CCDC171: variants seen among roughly 807,000 people sequenced by gnomAD.
CCDC171 encodes coiled-coil domain-containing protein 171.
A neutral mutation model predicts 168.2 loss-of-function variants in CCDC171; 177 were observed. The ratio of observed to expected loss-of-function variants is 1.05; its 90% CI spans 0.93 to 1.19. The LOEUF (loss-of-function observed/expected upper bound fraction) is 1.19, where lower values mean the gene tolerates loss of function less well. CCDC171 is among the 50% of genes most tolerant of loss of function. CCDC171 has a pLI of 0.00. For synonymous variants in CCDC171, 687 were observed against 540.8 expected, an observed-to-expected ratio of 1.27 and a Z score of -3.75; for missense variants, 1,991 against 1,539.0, an observed-to-expected ratio of 1.29 and a Z score of -4.91.
chr9:16,090,183 A>G, the CCDC171 span, among the ~76,000 whole-genome samples: 77 of 152,348 alleles, frequency 5.1e-4, no homozygotes, highest in African/African-American at 1.9e-3. Context: ...ATGCCCATCA[A>G]TGATAGAATG....
At chr9:16,049,447 G>A (rs1371057649) in intron 1 of CCDC171, among the ~76,000 whole-genome samples, 1 of 152,178 alleles carries the variant, frequency 6.6e-6, no homozygotes, top group Non-Finnish European at 1.5e-5. Context: ...CTCAATGCTG[G>A]CAGGCACCAT....
intron 25 of CCDC171, among the ~76,000 whole-genome samples, chr9:15,922,473 A>G (rs2132023446): frequency 6.6e-6 from 1 of 151,804 alleles, no homozygotes; most frequent in South Asian, 2.1e-4. Flanking sequence ...AGGTATATCC[A>G]TTAGGAATAC....
chr9:15,556,197 C>T (rs550931864), intron 1 of CCDC171, among the ~76,000 whole-genome samples: 7 of 152,154 alleles, frequency 4.6e-5, no homozygotes, highest in Admixed American at 6.5e-5. Context: ...CCGAGAGGTC[C>T]GCTGTTAGTC....
At chr9:16,062,175 A>T (rs1349667263), downstream of CCDC171, among the ~76,000 whole-genome samples, 1 of 152,188 alleles carries the variant, frequency 6.6e-6, no homozygotes, top group African/African-American at 2.4e-5. Context: ...TGATAGGGAA[A>T]ACAAACAAAA....
At position 15,655,444 on chromosome 9, in the gene CCDC171, G is replaced by A. The variant is rs578070566; in HGVS notation, c.823-1683G>A. 7.9e-5 allele frequency among the ~76,000 whole-genome samples: 12 copies of A among 152,262 alleles called. No homozygotes were observed. The South Asian group carries it at 2.3e-3, about 29-fold the overall frequency. On this transcript the variant is annotated intron_variant, in intron 7 of 25. Coordinates refer to ENST00000380701, the MANE Select transcript of CCDC171 (RefSeq NM_173550.4). ...ATGACCGATTCCCTTTTTGGGACTA[G>A]TAATCCGCTACTTCCCAGGGGTGCA...
At chr9:15,914,942 C>A (rs755495487) in intron 24 of CCDC171, among the ~76,000 whole-genome samples, 1 of 152,110 alleles carries the variant, frequency 6.6e-6, no homozygotes, top group Non-Finnish European at 1.5e-5. Context: ...GGTGATGCCC[C>A]ACTCTGCTTC....
intron 3 of CCDC171, among the ~76,000 whole-genome samples, chr9:16,020,406 A>G (rs1468006554): frequency 6.6e-6 from 1 of 152,232 alleles, no homozygotes; most frequent in Non-Finnish European, 1.5e-5. Flanking sequence ...CATATATGCT[A>G]TGCATGAATT....
chr9:15,776,097 T>C (rs1215186938), intron 18 of CCDC171: 1 of 152,186 alleles, frequency 6.6e-6, no homozygotes, highest in East Asian at 1.9e-4. Context: ...CTGTGTTATA[T>C]ATTGATTGCC....
intron 21 of CCDC171, among the ~76,000 whole-genome samples, chr9:15,803,561 C>T (rs1025087931): frequency 5.9e-5 from 9 of 152,026 alleles, no homozygotes; most frequent in Non-Finnish European, 1.3e-4. Flanking sequence ...TGTCAAAGAT[C>T]AGATGGTTGT....
exon 2 of CCDC171, chr9:16,061,110 G>T (rs928612459): frequency 6.6e-6 from 1 of 152,198 alleles, no homozygotes; most frequent in African/African-American, 2.4e-5. Context: ...GGGAGCCTGG[G>T]TCCCAATTTC....
At chr9:15,932,908 A>G (rs1338111660) in intron 25 of CCDC171, among the ~76,000 whole-genome samples, 1 of 152,000 alleles carries the variant, frequency 6.6e-6, no homozygotes, top group Non-Finnish European at 1.5e-5. Context: ...GGATTTGTGT[A>G]TATTAAACCA....
At chr9:15,942,867 A>G (rs1482219235) in intron 25 of CCDC171, among the ~76,000 whole-genome samples, 6 of 151,976 alleles carry the variant, frequency 3.9e-5, no homozygotes, top group Non-Finnish European at 7.4e-5. Context: ...CTCCTACAAT[A>G]TTAATAGCAA....
chr9:15,694,511 A>G (rs1400934884), intron 10 of CCDC171, among the ~76,000 whole-genome samples: 1 of 152,222 alleles, frequency 6.6e-6, no homozygotes. Context: ...ACAAACAAAA[A>G]TAGCCAAAAC....
chr9:16,025,822 T>TG (rs1032622228), intron 6 of CCDC171, among the ~76,000 whole-genome samples: 2 of 152,138 alleles, frequency 1.3e-5, no homozygotes, highest in African/African-American at 4.8e-5. Flanking sequence ...CCAATGGGTG[T>TG]GGGGTCTCCT....
intron 24 of CCDC171, among the ~76,000 whole-genome samples, chr9:15,900,169 T>G (rs941666072): frequency 6.6e-6 from 1 of 152,220 alleles, no homozygotes; most frequent in Non-Finnish European, 1.5e-5. Context: ...ATACCACTCC[T>G]GTGATTAGGT....
intron 21 of CCDC171, among the ~76,000 whole-genome samples, chr9:15,824,292 TTATA>T (rs944080559): frequency 2.0e-5 from 3 of 151,970 alleles, no homozygotes; most frequent in East Asian, 1.9e-4. Flanking sequence ...AAAATAAAAT[TTATA>T]TACTACACAT....
chr9:15,924,618 T>C (rs965660223), intron 25 of CCDC171, among the ~76,000 whole-genome samples: 2 of 151,570 alleles, frequency 1.3e-5, no homozygotes, highest in African/African-American at 4.8e-5. Flanking sequence ...TGATCACCAT[T>C]AGCATATTCC....
At chr9:15,650,158 C>G (rs2047394798) in intron 7 of CCDC171, among the ~76,000 whole-genome samples, 2 of 152,098 alleles carry the variant, frequency 1.3e-5, no homozygotes, top group Admixed American at 1.3e-4. Flanking sequence ...GACAAAAAAC[C>G]AAACACCGCA....
intron 5 of CCDC171, among the ~76,000 whole-genome samples, chr9:15,592,338 TC>T (rs1459343097): frequency 6.8e-6 from 1 of 147,490 alleles, no homozygotes; most frequent in Admixed American, 6.9e-5. Context: ...AGACCCTGTC[TC>T]CCCCCAAAAA....
Sources: gnomAD v4.1 joint callset for allele counts (sites outside exome capture counted in the v4.1 genomes callset) on GRCh38, gnomAD v4.1.1 for gene constraint, MANE v1.5 for transcripts, NCBI Gene and HGNC (gene_info 2026-07-23, HGNC 2026-07-21) for gene names.